The following KCTD1 variants were observed in gnomAD, a reference collection of about 807,000 sequenced individuals.
KCTD1 encodes the protein potassium channel tetramerization domain containing 1.
KCTD1 carries 24 observed loss-of-function variants against 66.0 expected under a neutral mutation model. That is an observed-to-expected ratio of 0.36 (90% CI 0.26 to 0.51). KCTD1 has a LOEUF of 0.51. KCTD1 is among the 20% of genes least tolerant of loss of function. The pLI, the probability that KCTD1 is intolerant of heterozygous loss-of-function variation, is 0.95. For synonymous variants in KCTD1, 511 were observed against 517.2 expected, an observed-to-expected ratio of 0.99 and a Z score of 0.16; for missense variants, 943 against 1,205.2, an observed-to-expected ratio of 0.78 and a Z score of 3.22.
chr18:26,518,194 A>G (rs1319476569), intron 1 of KCTD1, among the ~76,000 whole-genome samples: 4 of 152,240 alleles, frequency 2.6e-5, no homozygotes, highest in East Asian at 3.8e-4. Context: ...CTTCCTTCAC[A>G]TAAACTTTTT....
rs4041522 is a variant in KCTD1 at position 26,598,471 on chromosome 18, T to TACACACACACACAC, written c.-16+30662_-16+30675dup. The stretch of plus-strand genomic sequence containing the variant: ...ATATATGTTTTCAATTCTCTTTTTT[T>TACACACACACACAC]ACACACACACACACACACACACACA... On this transcript the variant is annotated intron_variant, in intron 1 of 4. Transcript: ENST00000317932. 5.5e-3 allele frequency among the ~76,000 whole-genome samples: 818 copies of TACACACACACACAC among 149,760 alleles called. 3 individuals carry two copies. Among genetic ancestry groups the TACACACACACACAC allele is most frequent in the African/African-American group, 0.017 (685 of 40,756 alleles).
At chr18:26,526,164 G>T (rs1408113303) in intron 1 of KCTD1, among the ~76,000 whole-genome samples, 1 of 152,150 alleles carries the variant, frequency 6.6e-6, no homozygotes, top group Non-Finnish European at 1.5e-5. Flanking sequence ...GCACAAAATT[G>T]TGAGTTAAAT....
At chr18:26,467,077 G>T (rs1292367895) in intron 3 of KCTD1, among the ~76,000 whole-genome samples, 1 of 151,452 alleles carries the variant, frequency 6.6e-6, no homozygotes, top group Non-Finnish European at 1.5e-5. Flanking sequence ...GATCCAGAAG[G>T]CTACTCACTA....
At chr18:26,511,960 T>A (rs989503517) in intron 1 of KCTD1, among the ~76,000 whole-genome samples, 5 of 152,238 alleles carry the variant, frequency 3.3e-5, no homozygotes, top group African/African-American at 1.2e-4. Context: ...TAGTTCCATG[T>A]GCATTTAGCA....
intron 1 of KCTD1, among the ~76,000 whole-genome samples, chr18:26,567,370 T>G (rs957420063): frequency 6.6e-6 from 1 of 152,210 alleles, no homozygotes. Flanking sequence ...CCAGCATGCT[T>G]TCTTGAGAGT....
intron 1 of KCTD1, among the ~76,000 whole-genome samples, chr18:26,614,451 G>A (rs910561419): frequency 2.0e-5 from 3 of 152,226 alleles, no homozygotes; most frequent in African/African-American, 4.8e-5. Context: ...GGGGTGGGGA[G>A]AGGCAGGGGA....
chr18:26,535,651 C>G (rs573735605), intron 1 of KCTD1, among the ~76,000 whole-genome samples: 2 of 152,258 alleles, frequency 1.3e-5, no homozygotes, highest in Admixed American at 1.3e-4. Context: ...AAAGACACAT[C>G]CATCAATATA....
In KCTD1 at chr18:26,589,841, A is replaced by G. The variant is rs530467181; in HGVS notation, c.-16+39306T>C. On this transcript the variant is annotated intron_variant, in intron 1 of 4. Transcript: ENST00000317932. ...AGAAAGGGAAGTTTACTGGGAGACT[A>G]CTATTATATGTGTCTGCTGATAAAG... Among the ~76,000 whole-genome samples the G allele has an allele frequency of 1.1e-4, 17 of 152,260 alleles. 1 individual carries two copies. Among genetic ancestry groups the G allele is most frequent in the Middle Eastern group, 3.4e-3 (1 of 294 alleles).
At chr18:26,541,321 C>A (rs1001392534) in intron 1 of KCTD1, among the ~76,000 whole-genome samples, 1 of 152,188 alleles carries the variant, frequency 6.6e-6, no homozygotes, top group East Asian at 1.9e-4. Context: ...AAGCACACTA[C>A]GTACATGCAG....
chr18:26,565,194 A>C (rs940666886), intron 1 of KCTD1, among the ~76,000 whole-genome samples: 13 of 152,210 alleles, frequency 8.5e-5, no homozygotes, highest in Non-Finnish European at 1.9e-4. Context: ...ATTAGGGACC[A>C]GTTCTGTTCC....
chr18:26,653,049 C>T (rs1988065874), intron 1 of KCTD1, among the ~76,000 whole-genome samples: 1 of 152,192 alleles, frequency 6.6e-6, no homozygotes, highest in Non-Finnish European at 1.5e-5. Context: ...TATATCTTCT[C>T]TTGCCTGGAT....
At chr18:26,636,495 C>T (rs1987726155) in intron 1 of KCTD1, among the ~76,000 whole-genome samples, 1 of 152,200 alleles carries the variant, frequency 6.6e-6, no homozygotes, top group African/African-American at 2.4e-5. Context: ...GCCATCACAC[C>T]AGGGTGCCCT....
At position 26,501,199 on chromosome 18, in the gene KCTD1, G is replaced by A; in HGVS notation, c.1861C>T (p.Pro621Ser). 6.2e-7 allele frequency: 1 copy of A among 1,614,196 alleles called. No individual in the cohort carries two copies. Among genetic ancestry groups the A allele is most frequent in the Non-Finnish European group, 8.5e-7 (1 of 1,180,042 alleles). The change falls in exon 2 of 5, where the codon CCA (proline) becomes TCA (serine). Residue 621 changes from proline (P) to serine (S), a missense_variant. Pro to Ser is a moderately conservative substitution (Grantham distance 74). This residue lies in a region of KCTD1 where 41 missense variants were observed against 103.8 expected (regional missense o/e 0.39). Coordinates refer to ENST00000580059, the MANE Select transcript of KCTD1 (RefSeq NM_001142730.3). Reference protein sequence around the residue: ...RPLITRSPASPLNNQGIPTPA... With the variant: ...RPLITRSPASSLNNQGIPTPA... ...GTAGGGATGCCTTGGTTGTTCAGTG[G>A]AGATGCAGGGGATCTAGTGATCAGA...
upstream of KCTD1, chr18:26,549,829 G>T (rs1355139988): frequency 3.5e-5 from 34 of 984,620 alleles, no homozygotes; most frequent in Non-Finnish European, 4.0e-5. Flanking sequence ...CAAAGAGCTC[G>T]CCGGGTCTCG....
At chr18:26,600,148 T>C (rs1986856369) in intron 1 of KCTD1, 2 of 1,607,008 alleles carry the variant, frequency 1.2e-6, no homozygotes, top group Non-Finnish European at 1.7e-6. Flanking sequence ...CTGTAAGAAC[T>C]GCACCTGTGG....
intron 1 of KCTD1, among the ~76,000 whole-genome samples, chr18:26,647,334 C>CA (rs1048320508): frequency 3.5e-5 from 4 of 112,922 alleles, no homozygotes; most frequent in African/African-American, 5.5e-5. Context: ...TAGTGAAACC[C>CA]CCCCCCCATC....
intron 1 of KCTD1, among the ~76,000 whole-genome samples, chr18:26,516,032 A>C (rs1317973581): frequency 1.3e-5 from 2 of 152,146 alleles, no homozygotes; most frequent in Non-Finnish European, 2.9e-5. Flanking sequence ...TGAGAAGAAA[A>C]GGGGTCAGGG....
chr18:26,461,529 C>A lies in KCTD1; in HGVS notation c.2134-1604G>T, dbSNP rs539372264. Among the ~76,000 whole-genome samples, 6 of 152,282 alleles carry A rather than the reference C, an allele frequency of 3.9e-5. No individual in the cohort carries two copies. In the South Asian group the frequency reaches 1.2e-3, roughly 32 times the overall value. On this transcript the variant is annotated intron_variant, in intron 3 of 4. Transcript: ENST00000580059. Reference sequence around the variant, plus strand: ...AGCTGAAAACTAGGCTGAGGTGTGGCCACTCTTAAGACAGGGCAGAACCGG... The same window carrying A: ...AGCTGAAAACTAGGCTGAGGTGTGGACACTCTTAAGACAGGGCAGAACCGG...
At chr18:26,532,261 CTTTT>C (rs533359603) in intron 1 of KCTD1, among the ~76,000 whole-genome samples, 1 of 29,556 alleles carries the variant, frequency 3.4e-5, no homozygotes, top group South Asian at 1.6e-3. Context: ...TTCTTTCCTT[CTTTT>C]TTTTTTTTTT....
Sources: allele counts gnomAD v4.1 joint callset (sites outside exome capture counted in the v4.1 genomes callset), GRCh38; gene constraint gnomAD v4.1.1; regional missense constraint gnomAD v4.1.1; transcripts MANE v1.5; gene names NCBI Gene and HGNC (gene_info 2026-07-23, HGNC 2026-07-21).